GUCD1: variants seen among roughly 807,000 people sequenced by gnomAD.
GUCD1 encodes the protein guanylyl cyclase domain containing 1.
GUCD1 carries 17 observed loss-of-function variants against 28.3 expected under a neutral mutation model. The ratio of observed to expected loss-of-function variants is 0.60; its 90% CI spans 0.41 to 0.90. The LOEUF is 0.90. Ranked by LOEUF, GUCD1 falls within the 40% of genes least tolerant of loss-of-function variation. GUCD1 has a pLI of 0.00. For missense variants in GUCD1, 279 were observed against 305.5 expected (o/e 0.91, Z 0.65); for synonymous variants, 129 against 123.3 (o/e 1.05, Z -0.30).
At chr22:24,553,571 C>A (rs2044939996) in intron 1 of GUCD1, among the ~76,000 whole-genome samples, 1 of 152,244 alleles carries the variant, frequency 6.6e-6, no homozygotes, top group Admixed American at 6.5e-5. Context: ...ACCCCTCCTC[C>A]CCCAGGCTTC....
chr22:24,546,957 G>C lies in GUCD1; in HGVS notation c.343C>G (p.Leu115Val). The change falls in exon 4 of 6, where the codon CTG becomes GTG. Residue 115 changes from leucine to valine, a missense_variant. Physicochemically the swap from Leu to Val is conservative, Grantham distance 32. Coordinates refer to ENST00000435822, the MANE Select transcript of GUCD1 (RefSeq NM_001284254.2). ...FDTEETRVNQ[L>V]FAQAKACKVL... Reference sequence around the variant, plus strand: ...TTGCAGGCCTTTGCTTGTGCAAACAGCTGATTCACCCGGGTCTCTTCTGTG... The same window carrying C: ...TTGCAGGCCTTTGCTTGTGCAAACACCTGATTCACCCGGGTCTCTTCTGTG... The C allele has an allele frequency of 4.3e-6, 7 of 1,614,144 alleles. No homozygotes were observed. The highest frequency in any genetic ancestry group is 5.9e-6 in the Non-Finnish European group (7 of 1,180,028).
chr22:24,546,804 G>A (rs1035672481), intron 4 of GUCD1, 110 bp downstream of exon 4: 3 of 979,292 alleles, frequency 3.1e-6, no homozygotes, highest in Non-Finnish European at 4.9e-6. Context: ...AGTTCTGCCT[G>A]GCTCCAGAGT....
At chr22:24,545,226 T>G (rs547317507) in intron 4 of GUCD1, among the ~76,000 whole-genome samples, 2 of 152,110 alleles carry the variant, frequency 1.3e-5, no homozygotes, top group African/African-American at 4.8e-5. Flanking sequence ...ACGTGGCAGT[T>G]TGGATTGCTG....
At position 24,548,326 on chromosome 22, in the gene GUCD1, C is replaced by T. The variant is rs1007510033; in HGVS notation, c.129-253G>A. ...TTGTGGGCTGTGACCTTGAGCAAGT[C>T]ATTGTCTTCTCTGGCCTCTTTAGCT... On this transcript the variant is annotated intron_variant, in intron 2 of 5. Coordinates refer to ENST00000435822, the MANE Select transcript of GUCD1 (RefSeq NM_001284254.2). Among the ~76,000 whole-genome samples the T allele has an allele frequency of 3.7e-4, 57 of 152,370 alleles. 1 individual carries two copies. The highest frequency in any genetic ancestry group is 1.3e-3 in the African/African-American group (55 of 41,584).
At chr22:24,551,462 C>G (rs954748060) in intron 1 of GUCD1, among the ~76,000 whole-genome samples, 1 of 152,178 alleles carries the variant, frequency 6.6e-6, no homozygotes, top group African/African-American at 2.4e-5. Flanking sequence ...CATCCCTTAC[C>G]GGGGCCCTGC....
At chr22:24,547,063 A>G (rs1452498517) in intron 3 of GUCD1, 58 bp from the exon 4 acceptor site, 1 of 1,299,470 alleles carries the variant, frequency 7.7e-7, no homozygotes, top group Non-Finnish European at 1.1e-6. Flanking sequence ...CACTCCATTT[A>G]GATGAAGGAA....
intron 4 of GUCD1, 27 bp downstream of exon 4, chr22:24,546,887 G>A (rs374622074): frequency 1.9e-6 from 3 of 1,590,454 alleles, no homozygotes; most frequent in Non-Finnish European, 2.6e-6. Context: ...TGAGAGGAAG[G>A]GCAGGTAGGA....
chr22:24,543,207 G>A, intron 5 of GUCD1, 110 bp from the exon 6 acceptor site: 1 of 774,328 alleles, frequency 1.3e-6, no homozygotes, highest in East Asian at 2.6e-5. Flanking sequence ...CATCCACATG[G>A]CCATTCCTCT....
At chr22:24,543,194 T>G (rs2044637357) in intron 5 of GUCD1, 97 bp from the exon 6 acceptor site, 1 of 862,084 alleles carries the variant, frequency 1.2e-6, no homozygotes, top group South Asian at 1.3e-5. Flanking sequence ...GAGGTCTGTT[T>G]CCCATCCACA....
upstream of GUCD1, chr22:24,555,146 C>A (rs569192874): frequency 7.7e-7 from 1 of 1,306,206 alleles, no homozygotes; most frequent in East Asian, 3.1e-5. Flanking sequence ...GCTGGGCCGC[C>A]CCAAGCGCCG....
chr22:24,546,263 C>T (rs182388594), intron 4 of GUCD1, among the ~76,000 whole-genome samples: 5 of 152,342 alleles, frequency 3.3e-5, no homozygotes, highest in African/African-American at 1.2e-4. Flanking sequence ...GCCCGGCCCC[C>T]AAACCCCCAT....
chr22:24,546,740 C>G (rs1432802805), intron 4 of GUCD1, among the ~76,000 whole-genome samples, 174 bp downstream of exon 4: 1 of 152,182 alleles, frequency 6.6e-6, no homozygotes, highest in African/African-American at 2.4e-5. Context: ...CCAGTGAGCT[C>G]CATAAACCAA....
At position 24,541,035 on chromosome 22, in the gene GUCD1, A is replaced by C. The variant is rs976188373; in HGVS notation, c.*1971T>G. On this transcript the variant is annotated 3_prime_UTR_variant, in exon 6 of 6. Transcript: ENST00000435822. ...CAGAACACCACCTGAAGATGCCCAC[A>C]CCCCACAGCTGCTGTGCATGGGTAC... 1.8e-5 allele frequency: 3 copies of C among 169,686 alleles called. No individual in the cohort carries two copies. The highest frequency in any genetic ancestry group is 1.3e-4 in the Admixed American group (2 of 15,282). The allele number at this position is 169,686 out of a possible 1,614,324, so 10.5% of individuals were successfully genotyped here.
rs1437391007 is a variant in GUCD1 at position 24,543,993 on chromosome 22, C to T, written c.477G>A (p.Leu159=). The T allele has an allele frequency of 6.2e-7, 1 of 1,613,994 alleles. No homozygotes were observed. Among genetic ancestry groups the T allele is most frequent in the African/African-American group, 1.3e-5 (1 of 74,992 alleles). ...AGCAGTACTTGACAGGGCTGGAGCA[C>T]AGGTCACAGTGCAGCACCCCCGAGT... is the stretch of plus-strand genomic sequence containing the variant. ...LVNSGVLHCD[L]CSSPVKYCCF... is the part of the protein sequence containing the mutation. Residue 159 remains leucine (L), a synonymous_variant, in exon 5 of 6, where the codon CTG becomes CTA. Coordinates refer to ENST00000435822, the MANE Select transcript of GUCD1 (RefSeq NM_001284254.2).
intron 4 of GUCD1, among the ~76,000 whole-genome samples, chr22:24,545,337 G>A (rs1008994204): frequency 2.6e-5 from 4 of 152,174 alleles, no homozygotes; most frequent in African/African-American, 7.2e-5. Flanking sequence ...TTCAGCTATA[G>A]GGAAAAAGCA....
intron 4 of GUCD1, among the ~76,000 whole-genome samples, chr22:24,545,598 C>T (rs1180872050): frequency 6.6e-6 from 1 of 150,412 alleles, no homozygotes; most frequent in African/African-American, 2.4e-5. Flanking sequence ...GGAGATCCCA[C>T]CCCACTATAT....
chr22:24,547,043 A>T, intron 3 of GUCD1, 38 bp from the exon 4 acceptor site: 1 of 1,495,858 alleles, frequency 6.7e-7, no homozygotes, highest in South Asian at 1.1e-5. Context: ...GCCACCACCC[A>T]GGCTGCCTTC....
At chr22:24,543,790 C>T in intron 5 of GUCD1, 52 bp downstream of exon 5, 1 of 1,594,632 alleles carries the variant, frequency 6.3e-7, no homozygotes, top group Non-Finnish European at 8.6e-7. Context: ...ACTGGGCATA[C>T]AGAACAGTGA....
At chr22:24,549,765 C>G (rs2044824526) in intron 1 of GUCD1, among the ~76,000 whole-genome samples, 1 of 152,184 alleles carries the variant, frequency 6.6e-6, no homozygotes, top group Non-Finnish European at 1.5e-5. Flanking sequence ...CTCAGGTGAT[C>G]CACCTCAGCC....
Sources: gnomAD v4.1 joint callset for allele counts (sites outside exome capture counted in the v4.1 genomes callset) on GRCh38, gnomAD v4.1.1 for gene constraint, MANE v1.5 for transcripts, NCBI Gene and HGNC (gene_info 2026-07-23, HGNC 2026-07-21) for gene names.